Variants in PLD5 observed in about 807,000 individuals in gnomAD.
The protein encoded by PLD5 is phospholipase D family member 5.
A neutral mutation model predicts 61.1 loss-of-function variants in PLD5; 36 were observed. The ratio of observed to expected loss-of-function variants is 0.59; its 90% CI spans 0.45 to 0.78. The LOEUF (loss-of-function observed/expected upper bound fraction) is 0.78, where lower values mean the gene tolerates loss of function less well. Among genes scored for constraint, PLD5 ranks in the 30% least tolerant of loss-of-function variants. The probability of loss-of-function intolerance (pLI) is 0.00; values close to 1 mark genes in which losing one functional copy is unlikely to be tolerated. For missense variants in PLD5, 515 were observed against 644.4 expected (o/e 0.80, Z 2.17); for synonymous variants, 243 against 242.8 (o/e 1.00, Z -0.01).
chr1:242,287,070 T>A (rs1172016781), intron 3 of PLD5, among the ~76,000 whole-genome samples: 1 of 152,154 alleles, frequency 6.6e-6, no homozygotes, highest in Non-Finnish European at 1.5e-5. Context: ...GGGAGCAACA[T>A]GCTAGGATTC....
intron 5 of PLD5, among the ~76,000 whole-genome samples, chr1:242,219,238 T>G (rs1045940523): frequency 2.0e-5 from 3 of 152,194 alleles, no homozygotes; most frequent in Non-Finnish European, 4.4e-5. Flanking sequence ...AACACTAATT[T>G]AAGATAGATG....
intron 1 of PLD5, among the ~76,000 whole-genome samples, chr1:242,471,169 T>A (rs1667438841): frequency 6.6e-6 from 1 of 152,176 alleles, no homozygotes; most frequent in Non-Finnish European, 1.5e-5. Context: ...CACCTCCCTG[T>A]TCCAGCTGCA....
intron 1 of PLD5, among the ~76,000 whole-genome samples, chr1:242,406,954 T>C (rs567643272): frequency 1.3e-5 from 2 of 152,302 alleles, no homozygotes; most frequent in Non-Finnish European, 2.9e-5. Context: ...GGAAATTGCC[T>C]ACTTTTTGTT....
chr1:242,267,724 T>TA (rs869105885), intron 3 of PLD5, among the ~76,000 whole-genome samples: 12,127 of 123,140 alleles, frequency 0.098, 536 homozygotes, highest in Non-Finnish European at 0.12. Flanking sequence ...TACAAAAAGT[T>TA]AAAAAAAAAA....
intron 1 of PLD5, among the ~76,000 whole-genome samples, chr1:242,514,811 C>A (rs1013825865): frequency 6.6e-6 from 1 of 151,950 alleles, no homozygotes; most frequent in Non-Finnish European, 1.5e-5. Context: ...GGGAAGGACC[C>A]AGGAAGCCAT....
chr1:242,196,914 A>C (rs1668669300), intron 5 of PLD5, among the ~76,000 whole-genome samples: 1 of 152,092 alleles, frequency 6.6e-6, no homozygotes, highest in Non-Finnish European at 1.5e-5. Flanking sequence ...AAATGGGATG[A>C]TGTATACCCC....
intron 3 of PLD5, among the ~76,000 whole-genome samples, chr1:242,265,882 A>T (rs1233926598): frequency 6.6e-6 from 1 of 152,232 alleles, no homozygotes. Context: ...CAAAATGCAG[A>T]TAATATTTAT....
chr1:242,227,312 G>T (rs1156462392), intron 4 of PLD5, among the ~76,000 whole-genome samples: 1 of 151,904 alleles, frequency 6.6e-6, no homozygotes, highest in East Asian at 1.9e-4. Flanking sequence ...AGCCTCATAA[G>T]TAGCTGGGAC....
chr1:242,389,802 A>G (rs1011092050), intron 1 of PLD5, among the ~76,000 whole-genome samples: 7 of 152,062 alleles, frequency 4.6e-5, no homozygotes, highest in African/African-American at 1.7e-4. Context: ...TTCTCTTAAT[A>G]GCCACAAGGA....
chr1:242,111,606 G>C (rs10803016), intron 7 of PLD5, among the ~76,000 whole-genome samples: 2 of 151,720 alleles, frequency 1.3e-5, no homozygotes, highest in African/African-American at 4.8e-5. Context: ...ACTGAAATTT[G>C]ATAGTATTTA....
intron 4 of PLD5, among the ~76,000 whole-genome samples, chr1:242,255,827 C>G (rs1167011910): frequency 6.6e-6 from 1 of 152,002 alleles, no homozygotes; most frequent in East Asian, 1.9e-4. Context: ...TAAAAGAACA[C>G]CAGAACTCAA....
At chr1:242,131,129 C>A (rs1400361074) in intron 5 of PLD5, among the ~76,000 whole-genome samples, 7 of 152,070 alleles carry the variant, frequency 4.6e-5, no homozygotes, top group Admixed American at 4.6e-4. Flanking sequence ...CATGGTGAAA[C>A]CTCATCTCTA....
chr1:242,324,341 G>A (rs112801325), intron 2 of PLD5, among the ~76,000 whole-genome samples: 5 of 152,144 alleles, frequency 3.3e-5, no homozygotes, highest in African/African-American at 1.2e-4. Context: ...GAATTTGCAC[G>A]CTAAGCAAAA....
chr1:242,394,959 A>ATATATATGATTATATATGAT (rs1350665070), intron 1 of PLD5, among the ~76,000 whole-genome samples: 2 of 65,368 alleles, frequency 3.1e-5, no homozygotes, highest in African/African-American at 1.3e-4. Flanking sequence ...TTATATATGA[A>ATATATATGATTATATATGAT]TATATATGAT....
chr1:242,093,612 G>C (rs1015801980), intron 9 of PLD5, among the ~76,000 whole-genome samples: 2 of 152,038 alleles, frequency 1.3e-5, no homozygotes, highest in African/African-American at 4.8e-5. Flanking sequence ...GTCTGACCCC[G>C]GGGTCCACCC....
In PLD5 at chr1:242,101,507, G is replaced by T. The variant is rs1574295663; in HGVS notation, c.1240-725C>A. ...CAGATGAGGCTTAAACTGTGGCTAA[G>T]CTCATGGAACTCCATGACTCAGCTC... On this transcript the variant is annotated intron_variant, in intron 8 of 9. Coordinates refer to ENST00000536534, the MANE Select transcript of PLD5 (RefSeq NM_001372062.1). Among the ~76,000 whole-genome samples the T allele has an allele frequency of 4.6e-5, 7 of 152,310 alleles. 2 individuals are homozygous for T. The highest frequency in any genetic ancestry group is 4.6e-4 in the Admixed American group (7 of 15,294).
intron 4 of PLD5, among the ~76,000 whole-genome samples, chr1:242,225,406 T>C (rs754878351): frequency 1.3e-5 from 2 of 151,870 alleles, no homozygotes; most frequent in Non-Finnish European, 2.9e-5. Context: ...GTGAGACCCA[T>C]TCATGCTGTT....
chr1:242,150,864 TG>T (rs1408016573), intron 5 of PLD5, among the ~76,000 whole-genome samples: 2 of 151,882 alleles, frequency 1.3e-5, no homozygotes, highest in Non-Finnish European at 2.9e-5. Context: ...CTCATCTATT[TG>T]TTGTTTCTTT....
At chr1:242,167,813 A>T (rs1000175935) in intron 5 of PLD5, among the ~76,000 whole-genome samples, 3 of 152,220 alleles carry the variant, frequency 2.0e-5, no homozygotes, top group Admixed American at 2.0e-4. Flanking sequence ...ATCACGGCAG[A>T]TGTAAAAACA....
Sources: allele counts gnomAD v4.1 joint callset (sites outside exome capture counted in the v4.1 genomes callset), GRCh38; gene constraint gnomAD v4.1.1; transcripts MANE v1.5; gene names NCBI Gene and HGNC (gene_info 2026-07-23, HGNC 2026-07-21).